PIWIL1: variants seen among roughly 807,000 people sequenced by gnomAD.
PIWIL1 encodes the protein piwi-like protein 1.
A neutral mutation model predicts 114.4 loss-of-function variants in PIWIL1; 73 were observed. The ratio of observed to expected loss-of-function variants is 0.64; its 90% CI spans 0.53 to 0.78. The LOEUF (loss-of-function observed/expected upper bound fraction) is 0.78. Among genes scored for constraint, PIWIL1 ranks in the 30% least tolerant of loss-of-function variants. The pLI is 0.00. For missense variants in PIWIL1, 723 were observed against 1,063.1 expected, an observed-to-expected ratio of 0.68 and a Z score of 4.45; for synonymous variants, 375 against 369.0, an observed-to-expected ratio of 1.02 and a Z score of -0.19.
the PIWIL1 span, among the ~76,000 whole-genome samples, chr12:130,400,223 G>A: frequency 2.3e-3 from 348 of 152,336 alleles, no homozygotes; most frequent in Admixed American, 4.0e-3. Context: ...GACACCTTCA[G>A]ACGGTGGGGA....
intron 16 of PIWIL1, among the ~76,000 whole-genome samples, chr12:130,362,518 A>G (rs1434563911): frequency 6.6e-6 from 1 of 152,180 alleles, no homozygotes; most frequent in South Asian, 2.1e-4. Context: ...TTTTCTCCCC[A>G]GCAGCTGGAA....
At position 130,371,798 on chromosome 12, in the gene PIWIL1, C is replaced by A. The variant is rs111352260; in HGVS notation, c.*200C>A. 1.7e-3 allele frequency: 592 copies of A among 346,698 alleles called. 5 individuals carry two copies. The highest frequency in any genetic ancestry group is 0.01 in the African/African-American group (479 of 46,950). The allele number at this position is 346,698 out of a possible 1,614,324, so 21.5% of individuals were successfully genotyped here. A position where few individuals can be genotyped will look rare whatever the true frequency, so the allele number is the denominator to read the frequency against. On this transcript the variant is annotated 3_prime_UTR_variant, in exon 21 of 21. Transcript: ENST00000245255. ...TAAAAATTAAGATTTTATATTTTAT[C>A]TTCTTGTTTCTCATAGATATTTTGT... is the stretch of plus-strand genomic sequence containing the variant.
chr12:130,399,962 G>A, the PIWIL1 span: 6 of 890,196 alleles, frequency 6.7e-6, no homozygotes, highest in Non-Finnish European at 1.0e-5. Context: ...CTCTAAATCA[G>A]GGTTTCCAAA....
the PIWIL1 span, chr12:130,425,935 A>G: frequency 1.3e-5 from 2 of 152,370 alleles, no homozygotes; most frequent in Non-Finnish European, 2.9e-5. Flanking sequence ...ACTTGCCACA[A>G]GCCAGGTGAG....
downstream of PIWIL1, among the ~76,000 whole-genome samples, chr12:130,377,249 T>C (rs1334458623): frequency 6.6e-6 from 1 of 152,198 alleles, no homozygotes; most frequent in Admixed American, 6.5e-5. Flanking sequence ...CTCAGATATT[T>C]ATTGAACGGA....
chr12:130,340,671 G>A (rs2136119716), intron 1 of PIWIL1, among the ~76,000 whole-genome samples: 1 of 149,850 alleles, frequency 6.7e-6, no homozygotes, highest in African/African-American at 2.5e-5. Flanking sequence ...TGGTGGTGGT[G>A]GTGGTGGTGC....
chr12:130,374,346 C>T (rs1446726739), downstream of PIWIL1, among the ~76,000 whole-genome samples: 1 of 152,170 alleles, frequency 6.6e-6, no homozygotes, highest in African/African-American at 2.4e-5. Flanking sequence ...TAAGTAAAAG[C>T]TTAAAGTTTG....
chr12:130,392,242 C>T, the PIWIL1 span, among the ~76,000 whole-genome samples: 1 of 95,738 alleles, frequency 1.0e-5, no homozygotes, highest in Non-Finnish European at 2.1e-5. Context: ...TGTGATGACC[C>T]GGTCACCGTC....
intron 18 of PIWIL1, among the ~76,000 whole-genome samples, chr12:130,364,336 G>A (rs2073596615): frequency 1.3e-5 from 2 of 152,104 alleles, no homozygotes; most frequent in Non-Finnish European, 2.9e-5. Context: ...CCACATCTGG[G>A]GCTTGATTTT....
chr12:130,393,887 G>A, the PIWIL1 span, among the ~76,000 whole-genome samples: 3 of 152,096 alleles, frequency 2.0e-5, no homozygotes, highest in East Asian at 1.9e-4. Flanking sequence ...CAATATCAGC[G>A]GTTTCATGTT....
In PIWIL1 at chr12:130,365,881, A is replaced by ATTGTGGCT. The variant is rs1330354790; in HGVS notation, c.2196-1247_2196-1240dup. On this transcript the variant is annotated intron_variant, in intron 18 of 20. Transcript: ENST00000245255. Reference sequence around the variant, plus strand: ...GGCTGCACACATTTTCAACACGTTCATTGTGGCTTTGTTATATTCAGAGCT... The same window carrying ATTGTGGCT: ...GGCTGCACACATTTTCAACACGTTCATTGTGGCTTTGTGGCTTTGTTATATTCAGAGCT... Among the ~76,000 whole-genome samples the ATTGTGGCT allele has an allele frequency of 3.3e-5, 5 of 152,334 alleles. No homozygotes were observed. In the East Asian group the frequency reaches 9.7e-4, roughly 29 times the overall value.
the PIWIL1 span, among the ~76,000 whole-genome samples, chr12:130,392,733 C>T: frequency 7.6e-5 from 1 of 13,182 alleles, no homozygotes; most frequent in African/African-American, 1.9e-4. Flanking sequence ...ACCGTCATCA[C>T]GTGTGTCCGT....
chr12:130,397,119 C>G, the PIWIL1 span: 2 of 303,630 alleles, frequency 6.6e-6, no homozygotes, highest in Non-Finnish European at 1.2e-5. Flanking sequence ...AATAAGACGT[C>G]CCCTCCCACC....
chr12:130,361,683 G>A (rs572089406), intron 16 of PIWIL1, 82 bp downstream of exon 16: 35 of 1,053,200 alleles, frequency 3.3e-5, no homozygotes, highest in African/African-American at 4.7e-5. Flanking sequence ...TTCATTCTTC[G>A]TTGTTATCCT....
the PIWIL1 span, among the ~76,000 whole-genome samples, chr12:130,400,530 C>A: frequency 6.6e-6 from 1 of 152,146 alleles, no homozygotes; most frequent in Non-Finnish European, 1.5e-5. Flanking sequence ...TCACTTCTTC[C>A]CCAAACTCAT....
In PIWIL1 at chr12:130,346,350, A is replaced by T. The variant is rs1479078140; in HGVS notation, c.317-20A>T. 6.4e-7 allele frequency: 1 copy of T among 1,569,882 alleles called. No individual in the cohort carries two copies. The highest frequency in any genetic ancestry group is 1.7e-5 in the Admixed American group (1 of 59,546). ...AATAAACTTGATATTTTGTTAATTG[A>T]CTATAACTTCCTTTTCCAGGTTCTT... is the stretch of plus-strand genomic sequence containing the variant. On this transcript the variant is annotated intron_variant, in intron 4 of 20. Coordinates refer to ENST00000245255, the MANE Select transcript of PIWIL1 (RefSeq NM_004764.5).
Position 130,349,365 on chromosome 12 carries a change from T to C in PIWIL1, c.861T>C (p.Tyr287=), listed in dbSNP as rs765718360. 6.2e-7 allele frequency: 1 copy of C among 1,613,734 alleles called. No individual in the cohort carries two copies. The highest frequency in any genetic ancestry group is 8.5e-7 in the Non-Finnish European group (1 of 1,179,632). ...TTTTGGATTTCATGTTCAACTTTTA[T>C]CATCAGACAGAAGAACATAAATTTC... ...ETVLDFMFNF[Y]HQTEEHKFQE... The change falls in exon 8 of 21, where the codon TAT becomes TAC. Residue 287 remains tyrosine, a synonymous_variant. Transcript: ENST00000245255.
intron 16 of PIWIL1, among the ~76,000 whole-genome samples, chr12:130,362,224 C>G (rs1384733440): frequency 6.6e-6 from 1 of 152,184 alleles, no homozygotes; most frequent in Non-Finnish European, 1.5e-5. Context: ...TCTCCCTCCT[C>G]CCACCTTCCA....
intron 18 of PIWIL1, among the ~76,000 whole-genome samples, chr12:130,364,674 C>A (rs1332031945): frequency 6.6e-6 from 1 of 152,012 alleles, no homozygotes; most frequent in Non-Finnish European, 1.5e-5. Flanking sequence ...GCTTTAGAAG[C>A]CTTATTGTAT....
Sources: gnomAD v4.1 joint callset for allele counts (sites outside exome capture counted in the v4.1 genomes callset) on GRCh38, gnomAD v4.1.1 for gene constraint, MANE v1.5 for transcripts, NCBI Gene and HGNC (gene_info 2026-07-23, HGNC 2026-07-21) for gene names.